SDCCAG8: variants seen among roughly 807,000 people sequenced by gnomAD.
The protein encoded by SDCCAG8 is SHH signaling and ciliogenesis regulator SDCCAG8.
Under a neutral mutation model 101.8 loss-of-function variants are expected in SDCCAG8, and 74 were observed. That is an observed-to-expected ratio of 0.73 (90% CI 0.60 to 0.88). The LOEUF is 0.88. Ranked by LOEUF, SDCCAG8 falls within the 40% of genes least tolerant of loss-of-function variation. The pLI is 0.00. For missense variants in SDCCAG8, 787 were observed against 822.6 expected, an observed-to-expected ratio of 0.96 and a Z score of 0.53; for synonymous variants, 281 against 292.9, an observed-to-expected ratio of 0.96 and a Z score of 0.41.
intron 13 of SDCCAG8, among the ~76,000 whole-genome samples, chr1:243,395,191 C>T (rs182617453): frequency 9.9e-5 from 15 of 152,202 alleles, no homozygotes; most frequent in Admixed American, 3.3e-4. Flanking sequence ...GTTTTTGAAA[C>T]GCAGTTTACT....
intron 12 of SDCCAG8, among the ~76,000 whole-genome samples, chr1:243,375,630 G>C (rs192959060): frequency 6.6e-6 from 1 of 152,266 alleles, no homozygotes; most frequent in Non-Finnish European, 1.5e-5. Flanking sequence ...CCTTTGCCCA[G>C]TTAGCCAAAA....
chr1:243,325,189 T>C (rs992883066), intron 9 of SDCCAG8, among the ~76,000 whole-genome samples: 3 of 152,228 alleles, frequency 2.0e-5, no homozygotes, highest in African/African-American at 7.2e-5. Context: ...GTTTGTTCAG[T>C]GGAAGTCAAT....
intron 6 of SDCCAG8, among the ~76,000 whole-genome samples, chr1:243,303,212 G>C (rs187006040): frequency 3.9e-5 from 6 of 152,264 alleles, no homozygotes; most frequent in African/African-American, 1.2e-4. Context: ...ATCAGTGCCA[G>C]GAAACAAATT....
At chr1:243,396,655 A>T (rs2079053809) in intron 13 of SDCCAG8, among the ~76,000 whole-genome samples, 1 of 152,154 alleles carries the variant, frequency 6.6e-6, no homozygotes, top group South Asian at 2.1e-4. Context: ...TGATATTTTG[A>T]TTTCACTTTA....
chr1:243,399,038 G>C (rs1004471444), intron 13 of SDCCAG8, among the ~76,000 whole-genome samples: 6 of 152,218 alleles, frequency 3.9e-5, no homozygotes, highest in African/African-American at 1.2e-4. Flanking sequence ...CAAGGTTTAT[G>C]TAATTACATA....
chr1:243,473,699 G>A (rs1661691812), intron 16 of SDCCAG8, among the ~76,000 whole-genome samples: 1 of 152,138 alleles, frequency 6.6e-6, no homozygotes, highest in Non-Finnish European at 1.5e-5. Flanking sequence ...AAATATGGAG[G>A]AGAAAGCGGG....
chr1:243,376,943 A>G (rs2077632880), intron 12 of SDCCAG8, among the ~76,000 whole-genome samples: 1 of 152,220 alleles, frequency 6.6e-6, no homozygotes, highest in Non-Finnish European at 1.5e-5. Context: ...AAGAGCTTTC[A>G]TAATGTGATC....
intron 1 of SDCCAG8, chr1:243,267,575 C>T: frequency 2.0e-6 from 1 of 490,378 alleles, no homozygotes; most frequent in South Asian, 1.9e-5. Flanking sequence ...GCACTCCAGC[C>T]TGGGCGACAA....
intron 12 of SDCCAG8, among the ~76,000 whole-genome samples, chr1:243,352,254 T>A (rs1377794339): frequency 6.6e-6 from 1 of 152,180 alleles, no homozygotes; most frequent in Non-Finnish European, 1.5e-5. Context: ...AGAAATAATA[T>A]GCCTTATAGG....
At chr1:243,336,734 C>T (rs2075040945) in intron 10 of SDCCAG8, among the ~76,000 whole-genome samples, 1 of 152,142 alleles carries the variant, frequency 6.6e-6, no homozygotes, top group African/African-American at 2.4e-5. Flanking sequence ...GGCAGAAGTC[C>T]AAACCATATC....
intron 16 of SDCCAG8, 149 bp from the exon 17 acceptor site, chr1:243,488,865 G>T: frequency 9.5e-7 from 1 of 1,057,098 alleles, no homozygotes. Context: ...CAAGGACCTA[G>T]TGCCAGCCAG....
chr1:243,374,811 G>T (rs2077500372), intron 12 of SDCCAG8, among the ~76,000 whole-genome samples: 1 of 151,856 alleles, frequency 6.6e-6, no homozygotes, highest in African/African-American at 2.4e-5. Flanking sequence ...GATCAACCAG[G>T]CCATACATAA....
At chr1:243,355,674 C>T (rs530943194) in intron 12 of SDCCAG8, among the ~76,000 whole-genome samples, 4 of 152,266 alleles carry the variant, frequency 2.6e-5, no homozygotes, top group South Asian at 2.1e-4. Flanking sequence ...GGCACAATCT[C>T]GGCTTATTGC....
Position 243,488,928 on chromosome 1 carries a change from G to A in SDCCAG8, c.1986-86G>A. ...CGTCCTGCTCATGGTTCCCTATCAG[G>A]GGCTTCCCTCAGATACACACAGCCC... On this transcript the variant is annotated intron_variant, in intron 16 of 17. Coordinates refer to ENST00000366541, the MANE Select transcript of SDCCAG8 (RefSeq NM_006642.5). 3 of 1,598,038 alleles carry A rather than the reference G, an allele frequency of 1.9e-6. No homozygotes were observed. In the South Asian group the frequency reaches 3.3e-5, roughly 18 times the overall value.
intron 16 of SDCCAG8, among the ~76,000 whole-genome samples, chr1:243,463,313 C>A (rs1490401512): frequency 6.6e-6 from 1 of 152,246 alleles, no homozygotes; most frequent in Non-Finnish European, 1.5e-5. Flanking sequence ...CACTTGATGG[C>A]TAGGGAGAGG....
At chr1:243,299,738 C>T (rs1353416823) in intron 6 of SDCCAG8, among the ~76,000 whole-genome samples, 1 of 151,824 alleles carries the variant, frequency 6.6e-6, no homozygotes, top group Admixed American at 6.6e-5. Flanking sequence ...ATTTGGGTAT[C>T]TAGACCACTG....
intron 6 of SDCCAG8, among the ~76,000 whole-genome samples, chr1:243,303,488 T>TG (rs1262264393): frequency 1.4e-4 from 22 of 152,298 alleles, no homozygotes; most frequent in African/African-American, 4.8e-4. Flanking sequence ...CTGCCATCCC[T>TG]GAGAAGACAA....
At chr1:243,309,308 T>G (rs2149321215) in intron 8 of SDCCAG8, among the ~76,000 whole-genome samples, 1 of 152,294 alleles carries the variant, frequency 6.6e-6, no homozygotes, top group South Asian at 2.1e-4. Flanking sequence ...TTTAAAATGG[T>G]GACATAAGTA....
At chr1:243,483,702 C>T (rs562766379) in intron 16 of SDCCAG8, among the ~76,000 whole-genome samples, 36 of 152,332 alleles carry the variant, frequency 2.4e-4, no homozygotes, top group Admixed American at 1.4e-3. Context: ...TCCCACAAAC[C>T]GGCCACTCCG....
Sources: gnomAD v4.1 joint callset for allele counts (sites outside exome capture counted in the v4.1 genomes callset) on GRCh38, gnomAD v4.1.1 for gene constraint, MANE v1.5 for transcripts, NCBI Gene and HGNC (gene_info 2026-07-23, HGNC 2026-07-21) for gene names.